Variants in CENPL observed in about 807,000 individuals in gnomAD.
CENPL encodes the protein centromere protein L, also known as interphase centromere complex protein 33.
Under a neutral mutation model 35.2 loss-of-function variants are expected in CENPL, and 20 were observed. The ratio of observed to expected loss-of-function variants is 0.57; its 90% confidence interval spans 0.40 to 0.83. The LOEUF is 0.83. Ranked by LOEUF, CENPL falls within the 40% of genes least tolerant of loss-of-function variation. CENPL has a pLI of 0.00. For synonymous variants in CENPL, 140 were observed against 140.6 expected, an observed-to-expected ratio of 1.00 and a Z score of 0.03; for missense variants, 363 against 395.8, an observed-to-expected ratio of 0.92 and a Z score of 0.70.
At position 173,816,579 on chromosome 1, in the gene CENPL, G is replaced by A. The variant is rs114109108; in HGVS notation, c.-7-5273C>T. Among the ~76,000 whole-genome samples the A allele has an allele frequency of 2.8e-3, 419 of 152,272 alleles. 1 individual carries two copies. Among genetic ancestry groups the A allele is most frequent in the African/African-American group, 9.1e-3 (380 of 41,546 alleles). On this transcript the variant is annotated intron_variant, in intron 2 of 5. Coordinates refer to ENST00000682279, the MANE Select transcript of CENPL (RefSeq NM_001387287.1). ...GACAAACCTGACAAAAACAAGAAAC[G>A]GGACAAAGATTCCCTATTTAATAAA...
At position 173,800,478 on chromosome 1, in the gene CENPL, C is replaced by A; in HGVS notation, c.1005G>T (p.Leu335Phe). The A allele has an allele frequency of 6.7e-7, 1 of 1,500,254 alleles. No individual in the cohort carries two copies. Among genetic ancestry groups the A allele is most frequent in the Non-Finnish European group, 9.3e-7 (1 of 1,078,284 alleles). 92.9% of individuals were successfully genotyped at this position (1,500,254 alleles called of 1,614,324 possible). A position where few individuals can be genotyped will look rare whatever the true frequency, so the allele number is the denominator to read the frequency against. ...CAATTTGAAAAATTGCCAGTTCTGT[C>A]AAATATGCTAACACTCCAATAAGGT... is the stretch of plus-strand genomic sequence containing the variant. ...HKYLIGVLAY[L>F]TELAIFQIE Residue 335 changes from leucine to phenylalanine, a missense_variant, in exon 6 of 6, where the codon TTG becomes TTT. Transcript: ENST00000682279.
At chr1:173,816,287 C>T (rs1481319827) in intron 2 of CENPL, among the ~76,000 whole-genome samples, 2 of 152,144 alleles carry the variant, frequency 1.3e-5, no homozygotes, top group Non-Finnish European at 2.9e-5. Context: ...CAGTGCCATC[C>T]CCATCAAGCT....
rs1312015393 is a variant in CENPL at position 173,824,685 on chromosome 1, G to GA, written c.-576dup. 6.2e-6 allele frequency: 1 copy of GA among 161,480 alleles called. No individual in the cohort carries two copies. The highest frequency in any genetic ancestry group is 1.4e-5 in the Non-Finnish European group (1 of 72,900). 10.0% of individuals were successfully genotyped at this position (161,480 alleles called of 1,614,324 possible). A position where few individuals can be genotyped will look rare whatever the true frequency, so the allele number is the denominator to read the frequency against. On this transcript the variant is annotated 5_prime_UTR_variant, in exon 1 of 6. Coordinates refer to ENST00000682279, the MANE Select transcript of CENPL (RefSeq NM_001387287.1). The stretch of plus-strand genomic sequence containing the variant: ...AGCGGGCGGAGTTGAAGGGCGCTTG[G>GA]ACCCCAGCGGCGATCTGTGTTTGGG...
In CENPL at chr1:173,824,860, G is replaced by A. The variant is rs1020786960; in HGVS notation, c.-750C>T. On this transcript the variant is annotated 5_prime_UTR_variant, in exon 1 of 6. Coordinates refer to ENST00000682279, the MANE Select transcript of CENPL (RefSeq NM_001387287.1). ...AGCCTCTCGAGAAGCGTGGAAAGAGGAGAAGGGCGTATACCTTGTGACCGC... is the reference window on the plus strand; with the variant it reads ...AGCCTCTCGAGAAGCGTGGAAAGAGAAGAAGGGCGTATACCTTGTGACCGC... The A allele has an allele frequency of 1.6e-5, 4 of 257,140 alleles. No individual in the cohort carries two copies. The highest frequency in any genetic ancestry group is 9.8e-5 in the Admixed American group (2 of 20,322). 15.9% of individuals were successfully genotyped at this position (257,140 alleles called of 1,614,324 possible). A position where few individuals can be genotyped will look rare whatever the true frequency, so the allele number is the denominator to read the frequency against.
At chr1:173,813,469 C>T (rs549778018) in intron 2 of CENPL, among the ~76,000 whole-genome samples, 4 of 152,250 alleles carry the variant, frequency 2.6e-5, no homozygotes, top group East Asian at 3.9e-4. Context: ...AGGCTAACAG[C>T]GGATCTCTCG....
rs1365531701 is a variant in CENPL, at chr1:173,824,388, A to C, written c.-278T>G. On this transcript the variant is annotated 5_prime_UTR_variant, in exon 1 of 6. Coordinates refer to ENST00000682279, the MANE Select transcript of CENPL (RefSeq NM_001387287.1). ...GGCCCTCCGCCGCCTCTTCAGTTTA[A>C]AATCGTTTCCCGACTCGCTCTGCGG... is the stretch of plus-strand genomic sequence containing the variant. 6.6e-6 allele frequency: 1 copy of C among 152,304 alleles called. No homozygotes were observed. Among genetic ancestry groups the C allele is most frequent in the East Asian group, 1.9e-4 (1 of 5,186 alleles). The allele number at this position is 152,304 out of a possible 1,614,324, so 9.4% of individuals were successfully genotyped here.
At chr1:173,812,910 GA>G (rs1324848608) in intron 2 of CENPL, among the ~76,000 whole-genome samples, 1 of 152,134 alleles carries the variant, frequency 6.6e-6, no homozygotes, top group African/African-American at 2.4e-5. Flanking sequence ...CCATCGCAAG[GA>G]AGCTAAAAAT....
chr1:173,818,912 G>A (rs1651671229), intron 2 of CENPL, among the ~76,000 whole-genome samples: 2 of 152,126 alleles, frequency 1.3e-5, no homozygotes, highest in South Asian at 4.1e-4. Flanking sequence ...ACAAGTATTG[G>A]TTCAATTAAA....
chr1:173,821,240 C>A (rs992741166), intron 2 of CENPL, among the ~76,000 whole-genome samples: 2 of 152,142 alleles, frequency 1.3e-5, no homozygotes, highest in Non-Finnish European at 2.9e-5. Flanking sequence ...ATCATGCTCC[C>A]AGCTAACAAA....
chr1:173,804,189 C>A (rs73037030), intron 4 of CENPL, among the ~76,000 whole-genome samples: 3 of 152,164 alleles, frequency 2.0e-5, no homozygotes, highest in Non-Finnish European at 4.4e-5. Context: ...CCTAAGGCAG[C>A]ACTATCAACT....
chr1:173,806,881 T>C (rs1283803018), intron 4 of CENPL, among the ~76,000 whole-genome samples: 16 of 152,068 alleles, frequency 1.1e-4, no homozygotes, highest in Non-Finnish European at 2.4e-4. Context: ...TTTAATGATA[T>C]ATATTTTTAT....
At chr1:173,811,924 T>C (rs1650868587) in intron 2 of CENPL, among the ~76,000 whole-genome samples, 1 of 152,226 alleles carries the variant, frequency 6.6e-6, no homozygotes, top group Non-Finnish European at 1.5e-5. Flanking sequence ...AGGGAAGCCA[T>C]GACAGACTGT....
At chr1:173,805,531 C>G (rs953875669) in intron 4 of CENPL, among the ~76,000 whole-genome samples, 2 of 150,542 alleles carry the variant, frequency 1.3e-5, no homozygotes, top group South Asian at 4.2e-4. Context: ...AAAAAAGTCT[C>G]TTTAGTTAAG....
chr1:173,815,919 A>G (rs918193549), intron 2 of CENPL, among the ~76,000 whole-genome samples: 23 of 152,190 alleles, frequency 1.5e-4, no homozygotes, highest in Non-Finnish European at 3.1e-4. Flanking sequence ...AGATGACATG[A>G]CTGTATATTT....
chr1:173,822,431 T>A (rs1005130627), intron 2 of CENPL: 6 of 152,164 alleles, frequency 3.9e-5, no homozygotes, highest in African/African-American at 7.2e-5. Flanking sequence ...CTGAAAATCA[T>A]TCATTCTACA....
chr1:173,809,176 A>G (rs1038913521), intron 3 of CENPL, among the ~76,000 whole-genome samples: 2 of 152,140 alleles, frequency 1.3e-5, no homozygotes, highest in Non-Finnish European at 2.9e-5. Flanking sequence ...CCCGGTCTCT[A>G]CTAACAATAC....
chr1:173,807,460 C>G lies in CENPL; in HGVS notation c.227G>C (p.Ser76Thr). The G allele has an allele frequency of 6.3e-7, 1 of 1,597,834 alleles. No individual in the cohort carries two copies. Among genetic ancestry groups the G allele is most frequent in the Non-Finnish European group, 8.6e-7 (1 of 1,168,780 alleles). The change falls in exon 4 of 6, where the codon AGT becomes ACT. Residue 76 changes from serine to threonine, a missense_variant. Ser to Thr is a moderately conservative substitution (Grantham distance 58, BLOSUM62 1). Transcript: ENST00000682279. ...GGAGAATTTATATAAGGGAGTTAAACTATATAAAGTCCACTGTTTATGCAG... is the reference window on the plus strand; with the variant it reads ...GGAGAATTTATATAAGGGAGTTAAAGTATATAAAGTCCACTGTTTATGCAG... ...FLLHKQWTLY[S>T]LTPLYKFSYS...
Position 173,802,954 on chromosome 1 carries a change from C to A in CENPL, c.963+9G>T. The A allele has an allele frequency of 3.2e-6, 5 of 1,572,264 alleles. No individual in the cohort carries two copies. The South Asian group carries it at 5.9e-5, about 19-fold the overall frequency. On this transcript the variant is annotated intron_variant, in intron 5 of 5. Transcript: ENST00000682279. ...GGAAAAATTACTTAACTAGATTGTTCAAACTAACCTTTATTTTTCCATCAG... is the reference window on the plus strand; with the variant it reads ...GGAAAAATTACTTAACTAGATTGTTAAAACTAACCTTTATTTTTCCATCAG...
intron 2 of CENPL, among the ~76,000 whole-genome samples, chr1:173,815,751 G>A (rs1424558933): frequency 6.6e-6 from 1 of 152,108 alleles, no homozygotes; most frequent in African/African-American, 2.4e-5. Context: ...GCAAAAACTG[G>A]AAGCATTCCC....
Sources: allele counts gnomAD v4.1 joint callset (sites outside exome capture counted in the v4.1 genomes callset), GRCh38; gene constraint gnomAD v4.1.1; transcripts MANE v1.5; gene names NCBI Gene and HGNC (gene_info 2026-07-23, HGNC 2026-07-21).